The following RBSN variants were observed in gnomAD, a reference collection of about 807,000 sequenced individuals.
RBSN encodes the protein rabenosyn, RAB effector, also known as rabenosyn-5.
In RBSN, 34 loss-of-function variants were observed where a neutral mutation model predicts 60.5. The ratio of observed to expected loss-of-function variants is 0.56; its 90% CI spans 0.43 to 0.75. The LOEUF (loss-of-function observed/expected upper bound fraction) is 0.75, where lower values mean the gene tolerates loss of function less well. Among genes scored for constraint, RBSN ranks in the 30% least tolerant of loss-of-function variants. RBSN has a pLI of 0.00. For missense variants in RBSN, 845 were observed against 986.8 expected, an observed-to-expected ratio of 0.86 and a Z score of 1.92; for synonymous variants, 322 against 366.9, an observed-to-expected ratio of 0.88 and a Z score of 1.40.
chr3:15,094,796 G>A (rs2043608366), intron 4 of RBSN, among the ~76,000 whole-genome samples: 1 of 152,160 alleles, frequency 6.6e-6, no homozygotes, highest in East Asian at 1.9e-4. Flanking sequence ...AGACTCTAGG[G>A]ACAAATATCT....
chr3:15,087,500 G>C (rs76972060), intron 5 of RBSN, among the ~76,000 whole-genome samples: 2 of 152,158 alleles, frequency 1.3e-5, no homozygotes, highest in Admixed American at 1.3e-4. Flanking sequence ...ACAGAGGAAG[G>C]CTGTCTCAGA....
rs780431561 is a variant in RBSN, at chr3:15,073,733, C to T, written c.*49G>A. On this transcript the variant is annotated 3_prime_UTR_variant, in exon 14 of 14. Coordinates refer to ENST00000253699, the MANE Select transcript of RBSN (RefSeq NM_022340.4). ...CCTGCCTGCCCTCTGTCCTGCTCCA[C>T]TGGCTCCTGCCAGACCCCTGGGCCC... 3.2e-6 allele frequency: 5 copies of T among 1,549,504 alleles called. No individual in the cohort carries two copies. The highest frequency in any genetic ancestry group is 4.3e-6 in the Non-Finnish European group (5 of 1,151,180).
Position 15,098,281 on chromosome 3 carries a change from CA to C in RBSN, c.-500-8del, listed in dbSNP as rs2043722314. On this transcript the variant is annotated splice_region_variant and splice_polypyrimidine_tract_variant and intron_variant, in intron 1 of 13. Transcript: ENST00000253699. ...CCAGGGTTTAGCACAGTACCTGGCA[CA>C]CACAATGAAGCAGCACAATAAAGCT... 1 of 151,988 alleles carries C rather than the reference CA, an allele frequency of 6.6e-6. No individual in the cohort carries two copies. Among genetic ancestry groups the C allele is most frequent in the Non-Finnish European group, 1.5e-5 (1 of 68,048 alleles). 9.4% of individuals were successfully genotyped at this position (151,988 alleles called of 1,614,324 possible).
At chr3:15,095,624 C>A in intron 4 of RBSN, 1 of 418,294 alleles carries the variant, frequency 2.4e-6, no homozygotes, top group South Asian at 7.0e-5. Flanking sequence ...AAAGAAATTC[C>A]TCTCCAAACC....
In RBSN at chr3:15,073,937, T is replaced by C. The variant is rs143569644; in HGVS notation, c.2200A>G (p.Ile734Val). ...SDSGPEAEEP[I>V]EEELLLQQID... ...TGCTGCAGGAGGAGCTCTTCCTCTA[T>C]GGGCTCCTCAGCCTCTGGCCCACTG... The change falls in exon 14 of 14, where the codon ATA (isoleucine) becomes GTA (valine). Residue 734 changes from isoleucine to valine, a missense_variant. Physicochemically the swap from Ile to Val is conservative, Grantham distance 29. Transcript: ENST00000253699. 11 of 1,614,004 alleles carry C rather than the reference T, an allele frequency of 6.8e-6. No individual in the cohort carries two copies. Among genetic ancestry groups the C allele is most frequent in the Non-Finnish European group, 8.5e-6 (10 of 1,180,022 alleles).
rs757512953 is a variant in RBSN at position 15,082,515 on chromosome 3, A to G, written c.692T>C (p.Ile231Thr). 2 of 1,614,054 alleles carry G rather than the reference A, an allele frequency of 1.2e-6. No individual in the cohort carries two copies. The highest frequency in any genetic ancestry group is 3.3e-5 in the Admixed American group (2 of 60,020). ...NSVHGSRRGS[I>T]SSMSSVSSVL... ...CGAGCTGACACTGCTCATGCTGCTG[A>G]TGCTGCCTCGGCGGGAGCCATGGAC... Residue 231 changes from isoleucine (I) to threonine (T), a missense_variant, in exon 9 of 14, where the codon ATC (isoleucine) becomes ACC (threonine). Coordinates refer to ENST00000253699, the MANE Select transcript of RBSN (RefSeq NM_022340.4). The surrounding 1 kb of genome is among the most constrained non-coding windows in gnomAD (Gnocchi z 4.2).
chr3:15,092,764 AG>A (rs2043550600), intron 4 of RBSN, among the ~76,000 whole-genome samples: 1 of 152,216 alleles, frequency 6.6e-6, no homozygotes, highest in East Asian at 1.9e-4. Flanking sequence ...ATGTGAACAA[AG>A]GGTCTAGCAA....
intron 4 of RBSN, among the ~76,000 whole-genome samples, chr3:15,091,676 A>G (rs1048668772): frequency 2.0e-5 from 3 of 152,252 alleles, no homozygotes; most frequent in African/African-American, 7.2e-5. Context: ...GACATCAAAG[A>G]CAGGGAAGAA....
chr3:15,098,231 A>G lies in RBSN; in HGVS notation c.-457T>C, dbSNP rs552668638. On this transcript the variant is annotated 5_prime_UTR_variant, in exon 2 of 14. Transcript: ENST00000253699. Reference sequence around the variant, plus strand: ...TAAAATCTGGGAGGGCACAGACTCTATATGTTTTCCACTTCGCCGTCTCCC... The same window carrying G: ...TAAAATCTGGGAGGGCACAGACTCTGTATGTTTTCCACTTCGCCGTCTCCC... The G allele has an allele frequency of 1.3e-5, 2 of 152,104 alleles. No individual in the cohort carries two copies. The highest frequency in any genetic ancestry group is 1.9e-4 in the East Asian group (1 of 5,196). The allele number at this position is 152,104 out of a possible 1,614,324, so 9.4% of individuals were successfully genotyped here. A position where few individuals can be genotyped will look rare whatever the true frequency, so the allele number is the denominator to read the frequency against.
chr3:15,086,642 A>G (rs1214764924), intron 5 of RBSN, among the ~76,000 whole-genome samples: 1 of 152,260 alleles, frequency 6.6e-6, no homozygotes, highest in African/African-American at 2.4e-5. Flanking sequence ...TGTTAAATAA[A>G]CAGGGTGGGA....
chr3:15,097,238 G>A (rs552465013), intron 2 of RBSN, among the ~76,000 whole-genome samples: 33 of 152,348 alleles, frequency 2.2e-4, no homozygotes, highest in Non-Finnish European at 4.3e-4. Flanking sequence ...AGGCTGGCCA[G>A]GCATGGTGGC....
Position 15,073,535 on chromosome 3 carries a change from T to C in RBSN, c.*247A>G. On this transcript the variant is annotated 3_prime_UTR_variant, in exon 14 of 14. Transcript: ENST00000253699. ...GGGGTAAACCTCCGATTACAAAAGATAGTAATAATAAACAGGAAAAGCAGC... is the reference window on the plus strand; with the variant it reads ...GGGGTAAACCTCCGATTACAAAAGACAGTAATAATAAACAGGAAAAGCAGC... 2.1e-6 allele frequency: 1 copy of C among 468,852 alleles called. No individual in the cohort carries two copies. Among genetic ancestry groups the C allele is most frequent in the South Asian group, 3.9e-5 (1 of 25,560 alleles). The allele number at this position is 468,852 out of a possible 1,614,324, so 29.0% of individuals were successfully genotyped here.
rs1161058835 is a variant in RBSN at position 15,078,811 on chromosome 3, T to C, written c.912-650A>G. On this transcript the variant is annotated intron_variant, in intron 10 of 13. Transcript: ENST00000253699. Reference sequence around the variant, plus strand: ...ATATATATATATATATATATATATATATATATATATATACATGGTTTTGTT... The same window carrying C: ...ATATATATATATATATATATATATACATATATATATATACATGGTTTTGTT... 8.9e-3 allele frequency among the ~76,000 whole-genome samples: 1,152 copies of C among 129,500 alleles called. 72 individuals are homozygous for C. The highest frequency in any genetic ancestry group is 0.033 in the African/African-American group (1,109 of 33,324). 85.0% of individuals were successfully genotyped at this position (129,500 alleles called of 152,430 possible).
At chr3:15,091,243 ACTATACCTC>A in intron 4 of RBSN, 68 of 438,752 alleles carry the variant, frequency 1.5e-4, no homozygotes, top group South Asian at 3.5e-4. Flanking sequence ...AAAAATTAAA[ACTATACCTC>A]AGTTAAAATA....
intron 4 of RBSN, 86 bp from the exon 5 acceptor site, chr3:15,090,625 C>G: frequency 6.6e-7 from 1 of 1,522,628 alleles, no homozygotes; most frequent in South Asian, 1.3e-5. Context: ...CAAGAGTTGA[C>G]GAAATAATTA....
In RBSN at chr3:15,074,192, C is replaced by A. The variant is rs202109121; in HGVS notation, c.1945G>T (p.Val649Phe). ...ATGCGGGCTGAAGGGTCTAAGGAAA[C>A]CCCTGCAGCAGGAGGACCAGTAGTG... The part of the protein sequence containing the change: ...EATTGPPAAG[V>F]SLDPSARILK... The change falls in exon 14 of 14, where the codon GTT (valine) becomes TTT (phenylalanine). Residue 649 changes from valine (V) to phenylalanine (F), a missense_variant. Val to Phe is a conservative substitution (Grantham distance 50, BLOSUM62 -1). Transcript: ENST00000253699. The surrounding 1 kb of genome is among the most constrained non-coding windows in gnomAD (Gnocchi z 6.4). 1.7e-4 allele frequency: 271 copies of A among 1,610,966 alleles called. No homozygotes were observed. Among genetic ancestry groups the A allele is most frequent in the Non-Finnish European group, 2.2e-4 (264 of 1,178,244 alleles).
At chr3:15,085,165 C>T in intron 6 of RBSN, 120 bp from the exon 7 acceptor site, 2 of 1,179,632 alleles carry the variant, frequency 1.7e-6, no homozygotes, top group Non-Finnish European at 2.4e-6. Flanking sequence ...CATCTGTCAT[C>T]CCCAACGCCA....
At position 15,085,489 on chromosome 3, in the gene RBSN, A is replaced by G. The variant is rs534577107; in HGVS notation, c.390+372T>C. On this transcript the variant is annotated intron_variant, in intron 6 of 13. Coordinates refer to ENST00000253699, the MANE Select transcript of RBSN (RefSeq NM_022340.4). ...ACACAACAAGCACAACTAGGATGAA[A>G]ATACACCCGTGAGACCTGGTGACCA... is the stretch of plus-strand genomic sequence containing the variant. Among the ~76,000 whole-genome samples, 6 of 152,314 alleles carry G rather than the reference A, an allele frequency of 3.9e-5. No individual in the cohort carries two copies. The South Asian group carries it at 1.2e-3, about 32-fold the overall frequency.
In RBSN at chr3:15,082,669, G is replaced by A; in HGVS notation, c.599-61C>T. On this transcript the variant is annotated intron_variant, in intron 8 of 13. Transcript: ENST00000253699. This position sits in a 1 kb window ranked among gnomAD's most constrained non-coding sequence, Gnocchi z 4.2. ...CACAGCATCCAATTACCATACCCACGACCTCAAGGTGTCAGTCCACAGGTG... is the reference window on the plus strand; with the variant it reads ...CACAGCATCCAATTACCATACCCACAACCTCAAGGTGTCAGTCCACAGGTG... 3 of 1,578,400 alleles carry A rather than the reference G, an allele frequency of 1.9e-6. No individual in the cohort carries two copies. Among genetic ancestry groups the A allele is most frequent in the Non-Finnish European group, 2.6e-6 (3 of 1,159,740 alleles).
Sources: allele counts gnomAD v4.1 joint callset (sites outside exome capture counted in the v4.1 genomes callset), GRCh38; gene constraint gnomAD v4.1.1; non-coding constraint Gnocchi (gnomAD v3.1); transcripts MANE v1.5; gene names NCBI Gene and HGNC (gene_info 2026-07-23, HGNC 2026-07-21).